The following SNAP47 variants were observed in gnomAD, a reference collection of about 807,000 sequenced individuals.
The protein encoded by SNAP47 is synaptosome associated protein 47, also known as synaptosomal-associated protein 47.
In SNAP47, 20 loss-of-function variants were observed where a neutral mutation model predicts 31.4. The observed-to-expected ratio is 0.64, with a 90% confidence interval of 0.45 to 0.93. The LOEUF is 0.93. Among genes scored for constraint, SNAP47 ranks in the 40% least tolerant of loss-of-function variants. The pLI, the probability that SNAP47 is intolerant of heterozygous loss-of-function variation, is 0.00. For missense variants in SNAP47, 492 were observed against 528.5 expected, an observed-to-expected ratio of 0.93 and a Z score of 0.68; for synonymous variants, 194 against 213.4, an observed-to-expected ratio of 0.91 and a Z score of 0.79.
chr1:227,758,976 G>A lies in SNAP47; in HGVS notation c.498-19G>A. 1 of 1,560,806 alleles carries A rather than the reference G, an allele frequency of 6.4e-7. No individual in the cohort carries two copies. The highest frequency in any genetic ancestry group is 1.2e-5 in the South Asian group (1 of 82,742). ...AAAATGAACTGATCCAGTTTTCCATGTTTTGTTTGCTTTTTCAGATTGCTG... is the reference window on the plus strand; with the variant it reads ...AAAATGAACTGATCCAGTTTTCCATATTTTGTTTGCTTTTTCAGATTGCTG... On this transcript the variant is annotated intron_variant, in intron 2 of 4. Transcript: ENST00000617596.
chr1:227,780,460 G>T (rs776756384), intron 4 of SNAP47, 67 bp from the exon 5 acceptor site: 212 of 1,598,308 alleles, frequency 1.3e-4, no homozygotes, highest in Non-Finnish European at 1.7e-4. Context: ...GTGAGAGGGG[G>T]AGATGTTGTC....
upstream of SNAP47, chr1:227,732,835 T>G (rs1268076777): frequency 1.2e-6 from 2 of 1,608,610 alleles, no homozygotes; most frequent in African/African-American, 2.7e-5. Flanking sequence ...CCATGCAGCC[T>G]AAAAGCCTCC....
intron 2 of SNAP47, among the ~76,000 whole-genome samples, chr1:227,750,475 C>T (rs1375606016): frequency 6.6e-6 from 1 of 152,270 alleles, no homozygotes; most frequent in Non-Finnish European, 1.5e-5. Flanking sequence ...CCTTGTGGCC[C>T]TGCTATGTGG....
At chr1:227,767,367 C>CGTGT (rs149951083) in intron 4 of SNAP47, among the ~76,000 whole-genome samples, 1 of 152,048 alleles carries the variant, frequency 6.6e-6, no homozygotes, top group African/African-American at 2.4e-5. Context: ...TGTACATGTC[C>CGTGT]GTGTGTGTGT....
intron 1 of SNAP47, chr1:227,746,295 C>T (rs1435338793): frequency 2.0e-5 from 3 of 152,234 alleles, no homozygotes; most frequent in Non-Finnish European, 2.9e-5. Context: ...CATGGGTATT[C>T]TGTGGACTGG....
intron 1 of SNAP47, chr1:227,743,947 C>T (rs1439266628): frequency 6.6e-6 from 1 of 152,224 alleles, no homozygotes; most frequent in African/African-American, 2.4e-5. Context: ...ATCTCAGGTA[C>T]AGCCGACCTT....
In SNAP47 at chr1:227,747,763, C is replaced by G; in HGVS notation, c.27C>G (p.Thr9=). The change falls in exon 2 of 5, where the codon ACC becomes ACG. Residue 9 remains threonine (T), a synonymous_variant. Transcript: ENST00000617596. MSRDVCIH[T]WPCTYYLEPK... is the part of the protein sequence containing the mutation. Reference sequence around the variant, plus strand: ...TGAGCAGGGATGTCTGCATCCACACCTGGCCGTGCACCTACTACCTGGAGC... The same window carrying G: ...TGAGCAGGGATGTCTGCATCCACACGTGGCCGTGCACCTACTACCTGGAGC... 6.2e-7 allele frequency: 1 copy of G among 1,614,094 alleles called. No individual in the cohort carries two copies. The highest frequency in any genetic ancestry group is 8.5e-7 in the Non-Finnish European group (1 of 1,179,990).
At position 227,750,773 on chromosome 1, in the gene SNAP47, C is replaced by T. The variant is rs530737105; in HGVS notation, c.497+2540C>T. On this transcript the variant is annotated intron_variant, in intron 2 of 4. Transcript: ENST00000617596. ...TGCACAATGTGGCTTTCCCTGCTTC[C>T]TGGGGTGTCATCCTCCTCCCAGTCA... Among the ~76,000 whole-genome samples the T allele has an allele frequency of 4.6e-5, 7 of 152,306 alleles. No homozygotes were observed. In the South Asian group the frequency reaches 1.4e-3, roughly 32 times the overall value.
chr1:227,770,439 C>T (rs546119046), intron 4 of SNAP47: 3 of 153,396 alleles, frequency 2.0e-5, no homozygotes, highest in African/African-American at 7.2e-5. Context: ...CACTCCACAG[C>T]GTCATGTCCC....
upstream of SNAP47, chr1:227,733,703 G>T: frequency 6.3e-7 from 1 of 1,599,056 alleles, no homozygotes; most frequent in Non-Finnish European, 8.5e-7. Context: ...AGAGCGCCTG[G>T]TTCATGCCTG....
chr1:227,748,370 T>C, intron 2 of SNAP47, 137 bp downstream of exon 2: 2 of 974,308 alleles, frequency 2.1e-6, no homozygotes, highest in Non-Finnish European at 3.0e-6. Context: ...GTGCACCTGC[T>C]GTACATGCTT....
At chr1:227,771,403 G>A (rs1031834945) in intron 4 of SNAP47, among the ~76,000 whole-genome samples, 28 of 152,140 alleles carry the variant, frequency 1.8e-4, no homozygotes, top group African/African-American at 6.5e-4. Flanking sequence ...ATAAGAAGAG[G>A]CTGGGAATGG....
At chr1:227,733,577 C>T (rs1449135776), upstream of SNAP47, 7 of 1,608,042 alleles carry the variant, frequency 4.4e-6, no homozygotes, top group East Asian at 2.2e-5. Context: ...GTGGCGGTCC[C>T]GCAGGGCCTC....
At chr1:227,738,705 G>A (rs1006160791) in intron 1 of SNAP47, among the ~76,000 whole-genome samples, 4 of 152,168 alleles carry the variant, frequency 2.6e-5, no homozygotes, top group African/African-American at 9.7e-5. Context: ...GCAGATCATG[G>A]GAGGCCAATG....
chr1:227,767,144 C>G, intron 4 of SNAP47, 61 bp downstream of exon 4: 2 of 1,594,844 alleles, frequency 1.3e-6, no homozygotes, highest in South Asian at 1.1e-5. Flanking sequence ...GCAGGCTGCT[C>G]CTCTTGCCTT....
At chr1:227,749,281 C>G (rs1049433994) in intron 2 of SNAP47, among the ~76,000 whole-genome samples, 1 of 152,022 alleles carries the variant, frequency 6.6e-6, no homozygotes, top group Non-Finnish European at 1.5e-5. Context: ...CCCTCAGTTC[C>G]TCGTCCTGGG....
intron 2 of SNAP47, among the ~76,000 whole-genome samples, chr1:227,752,689 A>G (rs534914558): frequency 3.6e-4 from 55 of 152,176 alleles, no homozygotes; most frequent in Non-Finnish European, 6.6e-4. Context: ...TGGTGAAAGG[A>G]AAGTTAGCTT....
intron 2 of SNAP47, among the ~76,000 whole-genome samples, chr1:227,753,320 A>C (rs1326879895): frequency 6.6e-6 from 1 of 152,160 alleles, no homozygotes; most frequent in Admixed American, 6.5e-5. Flanking sequence ...GATTAACCCC[A>C]TTTCTGGGGA....
upstream of SNAP47, chr1:227,735,274 C>A: frequency 6.2e-7 from 1 of 1,606,786 alleles, no homozygotes; most frequent in Non-Finnish European, 8.5e-7. Flanking sequence ...CGCGGTCCAT[C>A]CAGCTCAGCA....
Sources: gnomAD v4.1 joint callset for allele counts (sites outside exome capture counted in the v4.1 genomes callset) on GRCh38, gnomAD v4.1.1 for gene constraint, MANE v1.5 for transcripts, NCBI Gene and HGNC (gene_info 2026-07-23, HGNC 2026-07-21) for gene names.